CYB5RL: variants seen among roughly 807,000 people sequenced by gnomAD.
CYB5RL encodes the protein NADH-cytochrome b5 reductase-like.
Under a neutral mutation model 37.5 loss-of-function variants are expected in CYB5RL, and 38 were observed. The ratio of observed to expected loss-of-function variants is 1.01; its 90% CI spans 0.78 to 1.33. The LOEUF (loss-of-function observed/expected upper bound fraction) is 1.33, where lower values mean the gene tolerates loss of function less well. Ranked by LOEUF, CYB5RL falls within the 40% of genes most tolerant of loss-of-function variation. The pLI, the probability that CYB5RL is intolerant of heterozygous loss-of-function variation, is 0.00. For missense variants in CYB5RL, 388 were observed against 394.4 expected (o/e 0.98, Z 0.14); for synonymous variants, 141 against 151.9 (o/e 0.93, Z 0.53).
intron 5 of CYB5RL, among the ~76,000 whole-genome samples, chr1:54,186,507 T>A (rs113903122): frequency 6.6e-6 from 1 of 152,192 alleles, no homozygotes; most frequent in African/African-American, 2.4e-5. Flanking sequence ...GGCTTAGAGA[T>A]AATTAAGCAT....
At chr1:54,179,956 G>A (rs1369950065) in intron 6 of CYB5RL, 2 of 454,050 alleles carry the variant, frequency 4.4e-6, no homozygotes, top group South Asian at 3.1e-5. Context: ...TGAAAAAGGT[G>A]AGTTCCCGGC....
At chr1:54,191,426 T>C (rs1294935284) in intron 3 of CYB5RL, among the ~76,000 whole-genome samples, 1 of 152,218 alleles carries the variant, frequency 6.6e-6, no homozygotes, top group Non-Finnish European at 1.5e-5. Flanking sequence ...GTATTACATA[T>C]GTGGAAACTG....
At chr1:54,177,254 G>A (rs1660043746) in intron 7 of CYB5RL, among the ~76,000 whole-genome samples, 1 of 152,144 alleles carries the variant, frequency 6.6e-6, no homozygotes, top group South Asian at 2.1e-4. Context: ...TGCTGCAGCT[G>A]TGGCCCAGGC....
Position 54,195,621 on chromosome 1 carries a change from G to A in CYB5RL, c.-5C>T, listed in dbSNP as rs761061044. 3.1e-6 allele frequency: 5 copies of A among 1,605,934 alleles called. No homozygotes were observed. The Admixed American group carries it at 6.7e-5, about 22-fold the overall frequency. ...CTCTTCCCTCTCAGCCATCATCAGTGGGGCTTGGGCAGCCTAGAAGGAACA... is the reference window on the plus strand; with the variant it reads ...CTCTTCCCTCTCAGCCATCATCAGTAGGGCTTGGGCAGCCTAGAAGGAACA... On this transcript the variant is annotated 5_prime_UTR_variant, in exon 3 of 8. Transcript: ENST00000534324.
intron 4 of CYB5RL, 80 bp downstream of exon 4, chr1:54,190,668 C>G (rs568072586): frequency 1.3e-6 from 2 of 1,520,754 alleles, no homozygotes; most frequent in Middle Eastern, 1.7e-4. Context: ...AGGGAGAGTA[C>G]GCTAGTTGGT....
At chr1:54,198,108 T>C (rs1220390623) in intron 1 of CYB5RL, among the ~76,000 whole-genome samples, 1 of 149,142 alleles carries the variant, frequency 6.7e-6, no homozygotes, top group Non-Finnish European at 1.5e-5. Flanking sequence ...GCCGGGCATA[T>C]GGAAGGTTCC....
Position 54,195,508 on chromosome 1 carries a change from C to T in CYB5RL, c.109G>A (p.Val37Met), listed in dbSNP as rs763057427. ...QCCGSGCSPC[V>M]FDLYHRDLAR... ...AGATCTCGGTGATAGAGGTCAAACA[C>T]ACAGGGTGAGCAGCCACTGCCGCAG... Residue 37 changes from valine to methionine, a missense_variant, in exon 3 of 8, where the codon GTG (valine) becomes ATG (methionine). By Grantham distance (21) the Val-to-Met change is conservative. Coordinates refer to ENST00000534324, the MANE Select transcript of CYB5RL (RefSeq NM_001031672.4). 4 of 1,613,584 alleles carry T rather than the reference C, an allele frequency of 2.5e-6. No individual in the cohort carries two copies. The South Asian group carries it at 3.3e-5, about 13-fold the overall frequency.
At chr1:54,183,916 G>A (rs12043944) in intron 6 of CYB5RL, 35,420 of 208,898 alleles carry the variant, frequency 0.17, 3,553 homozygotes, top group Non-Finnish European at 0.21. Context: ...TGGAGGTTGC[G>A]GTGAGCCGAG....
rs1659966297 is a variant in CYB5RL at position 54,174,384 on chromosome 1, T to G, written c.*235A>C. On this transcript the variant is annotated 3_prime_UTR_variant, in exon 8 of 8. Transcript: ENST00000534324. Reference sequence around the variant, plus strand: ...ACTCCCAGGCTGGTTGCTCACCTCCTCAGGGCCCCTACAGCCCATCCTCCT... The same window carrying G: ...ACTCCCAGGCTGGTTGCTCACCTCCGCAGGGCCCCTACAGCCCATCCTCCT... 3.7e-6 allele frequency: 2 copies of G among 541,778 alleles called. No homozygotes were observed. Among genetic ancestry groups the G allele is most frequent in the Non-Finnish European group, 6.6e-6 (2 of 302,756 alleles). 33.6% of individuals were successfully genotyped at this position (541,778 alleles called of 1,614,324 possible).
At position 54,190,863 on chromosome 1, in the gene CYB5RL, C is replaced by G; in HGVS notation, c.232G>C (p.Val78Leu). 6.2e-7 allele frequency: 1 copy of G among 1,611,310 alleles called. No individual in the cohort carries two copies. ...CPSKLNPETFVAFCIIAMDRL... is the reference protein window; with the variant it reads ...CPSKLNPETFLAFCIIAMDRL... ...TCCATGGCAATGATGCAGAAGGCCACGAAGGTCTCTGGGTTCAGCTTGGAG... is the reference window on the plus strand; with the variant it reads ...TCCATGGCAATGATGCAGAAGGCCAGGAAGGTCTCTGGGTTCAGCTTGGAG... Residue 78 changes from valine (V) to leucine (L), a missense_variant, in exon 4 of 8, where the codon GTG becomes CTG. Transcript: ENST00000534324.
intron 6 of CYB5RL, among the ~76,000 whole-genome samples, chr1:54,182,281 G>C (rs964111785): frequency 5.3e-5 from 8 of 152,182 alleles, no homozygotes; most frequent in Admixed American, 3.3e-4. Flanking sequence ...TTACCATATA[G>C]CAAGTGCTAA....
rs979022197 is a variant in CYB5RL, at chr1:54,171,883, C to T, written c.*2736G>A. On this transcript the variant is annotated 3_prime_UTR_variant, in exon 8 of 8. Transcript: ENST00000534324. The stretch of plus-strand genomic sequence containing the variant: ...GGCACAGCACCCGACCCTGCACTCT[C>T]AAGTTTCCAGGCGACAGGAGCCCTT... The T allele has an allele frequency of 2.8e-5, 5 of 177,436 alleles. No individual in the cohort carries two copies. The highest frequency in any genetic ancestry group is 6.2e-5 in the Non-Finnish European group (5 of 81,146). The allele number at this position is 177,436 out of a possible 1,614,324, so 11.0% of individuals were successfully genotyped here. A position where few individuals can be genotyped will look rare whatever the true frequency, so the allele number is the denominator to read the frequency against.
chr1:54,174,659 A>T lies in CYB5RL; in HGVS notation c.908T>A (p.Leu303Gln). 2 of 1,613,182 alleles carry T rather than the reference A, an allele frequency of 1.2e-6. No homozygotes were observed. The highest frequency in any genetic ancestry group is 1.7e-6 in the Non-Finnish European group (2 of 1,179,624). ...GGAGTCCTCAGTGAGGCCTGCGCAC[A>T]GTAAGCACCTGGCTATGTCTTTGGT... ...EFTKDIARCL[L>Q]CAGLTEDSYF... Residue 303 changes from leucine to glutamine, a missense_variant, in exon 8 of 8, where the codon CTG becomes CAG. Coordinates refer to ENST00000534324, the MANE Select transcript of CYB5RL (RefSeq NM_001031672.4).
At chr1:54,197,451 G>A (rs1644018742) in intron 1 of CYB5RL, among the ~76,000 whole-genome samples, 1 of 151,486 alleles carries the variant, frequency 6.6e-6, no homozygotes, top group Admixed American at 6.6e-5. Flanking sequence ...AGCCACCCAA[G>A]TAGCTGGGAA....
intron 4 of CYB5RL, among the ~76,000 whole-genome samples, chr1:54,188,853 C>T (rs995536632): frequency 5.3e-5 from 8 of 152,204 alleles, no homozygotes; most frequent in Admixed American, 4.6e-4. Flanking sequence ...TGTCTCAATG[C>T]ACCAAAAGCA....
chr1:54,175,676 A>G (rs1660003021), intron 7 of CYB5RL: 1 of 443,596 alleles, frequency 2.3e-6, no homozygotes, highest in Non-Finnish European at 4.5e-6. Flanking sequence ...GATTGAAAAT[A>G]TTTTTTAAAA....
intron 4 of CYB5RL, among the ~76,000 whole-genome samples, chr1:54,188,085 A>C (rs140238656): frequency 6.6e-6 from 1 of 152,196 alleles, no homozygotes; most frequent in Non-Finnish European, 1.5e-5. Context: ...TCAAACAAAC[A>C]AACAACTGCA....
chr1:54,174,882 A>G, intron 7 of CYB5RL, 60 bp from the exon 8 acceptor site: 8 of 1,545,894 alleles, frequency 5.2e-6, no homozygotes, highest in Non-Finnish European at 7.0e-6. Context: ...TAGTGTTCAC[A>G]CAGCCAGCTC....
intron 6 of CYB5RL, among the ~76,000 whole-genome samples, chr1:54,181,036 A>C (rs979983612): frequency 6.6e-6 from 1 of 152,168 alleles, no homozygotes; most frequent in Admixed American, 6.5e-5. Context: ...CAAAACAAAC[A>C]AAAAAGAAAA....
Sources: allele counts gnomAD v4.1 joint callset (sites outside exome capture counted in the v4.1 genomes callset), GRCh38; gene constraint gnomAD v4.1.1; transcripts MANE v1.5; gene names NCBI Gene and HGNC (gene_info 2026-07-23, HGNC 2026-07-21).